TMEM132B: variants seen among roughly 807,000 people sequenced by gnomAD.
The protein encoded by TMEM132B is transmembrane protein 132B.
In TMEM132B, 18 loss-of-function variants were observed where a neutral mutation model predicts 90.8. That is an observed-to-expected ratio of 0.20 (90% CI 0.14 to 0.29). The LOEUF (loss-of-function observed/expected upper bound fraction) is 0.29. Ranked by LOEUF, TMEM132B falls within the 10% of genes least tolerant of loss-of-function variation. The pLI, the probability that TMEM132B is intolerant of heterozygous loss-of-function variation, is 1.00. For synonymous variants in TMEM132B, 504 were observed against 523.3 expected, an observed-to-expected ratio of 0.96 and a Z score of 0.50; for missense variants, 1,096 against 1,326.8, an observed-to-expected ratio of 0.83 and a Z score of 2.70.
At chr12:125,637,293 G>T (rs1221007206) in intron 5 of TMEM132B, among the ~76,000 whole-genome samples, 1 of 152,210 alleles carries the variant, frequency 6.6e-6, no homozygotes, top group African/African-American at 2.4e-5. Flanking sequence ...GCGGGGATCA[G>T]AGGATACTCA....
chr12:125,541,979 C>T lies in TMEM132B; in HGVS notation c.1293+22354C>T, dbSNP rs569709181. On this transcript the variant is annotated intron_variant, in intron 4 of 8. Transcript: ENST00000682704. ...GGCGGAGCTTGCAGTGAGCTGAGAT[C>T]GCACCACTACACTTCAGCCTGGGCG... Among the ~76,000 whole-genome samples the T allele has an allele frequency of 5.8e-4, 84 of 143,892 alleles. 1 individual carries two copies. The highest frequency in any genetic ancestry group is 3.7e-3 in the Admixed American group (51 of 13,868). The allele number at this position is 143,892 out of a possible 152,430, so 94.4% of individuals were successfully genotyped here.
At chr12:125,340,770 A>G (rs867842745) in intron 1 of TMEM132B, among the ~76,000 whole-genome samples, 1 of 152,200 alleles carries the variant, frequency 6.6e-6, no homozygotes, top group Non-Finnish European at 1.5e-5. Context: ...AAGCTAGACT[A>G]TCCAAAAGCT....
intron 2 of TMEM132B, among the ~76,000 whole-genome samples, chr12:125,398,283 T>A (rs1297373551): frequency 6.6e-6 from 1 of 152,170 alleles, no homozygotes; most frequent in Non-Finnish European, 1.5e-5. Flanking sequence ...CTACCCCTAC[T>A]CATTTTTATA....
rs577270082 is a variant in TMEM132B at position 125,503,190 on chromosome 12, C to T, written c.1107-16249C>T. Among the ~76,000 whole-genome samples, 12 of 152,274 alleles carry T rather than the reference C, an allele frequency of 7.9e-5. No homozygotes were observed. The East Asian group carries it at 1.2e-3, about 15-fold the overall frequency. On this transcript the variant is annotated intron_variant, in intron 3 of 8. Coordinates refer to ENST00000682704, the MANE Select transcript of TMEM132B (RefSeq NM_001366854.1). ...CAGATCTGAGAGAGGATTTACTCTT[C>T]GCTTAGTTGTGAGGCCCAAGCGCAG...
At chr12:125,463,354 G>A (rs1168216853) in intron 3 of TMEM132B, among the ~76,000 whole-genome samples, 1 of 152,204 alleles carries the variant, frequency 6.6e-6, no homozygotes, top group African/African-American at 2.4e-5. Flanking sequence ...TGGCAATGGG[G>A]TGTGCTGTCA....
intron 1 of TMEM132B, among the ~76,000 whole-genome samples, chr12:125,335,479 A>G (rs181308952): frequency 2.4e-4 from 36 of 152,342 alleles, no homozygotes; most frequent in African/African-American, 8.4e-4. Flanking sequence ...TGATTTGTTC[A>G]GGGATGGGCA....
chr12:125,448,554 A>T (rs1022572102), intron 3 of TMEM132B, among the ~76,000 whole-genome samples: 1 of 152,174 alleles, frequency 6.6e-6, no homozygotes, highest in African/African-American at 2.4e-5. Context: ...TCCCCATCCC[A>T]GTAGTATTCC....
intron 1 of TMEM132B, among the ~76,000 whole-genome samples, chr12:125,347,083 G>A (rs547914451): frequency 5.1e-4 from 77 of 152,244 alleles, no homozygotes; most frequent in African/African-American, 1.9e-3. Context: ...CAAATTCCTA[G>A]GTGAATTCCT....
intron 1 of TMEM132B, among the ~76,000 whole-genome samples, 188 bp downstream of exon 1, chr12:125,187,054 C>T (rs1226541562): frequency 6.6e-6 from 1 of 152,192 alleles, no homozygotes; most frequent in African/African-American, 2.4e-5. Context: ...GAGAGCCCGC[C>T]TGCCTTCTCC....
chr12:125,324,401 G>C (rs1876506301), intron 1 of TMEM132B, among the ~76,000 whole-genome samples: 1 of 152,228 alleles, frequency 6.6e-6, no homozygotes, highest in African/African-American at 2.4e-5. Flanking sequence ...AGATTCATAG[G>C]ATAAGTTCTG....
At chr12:125,348,668 G>A (rs1201735105) in intron 1 of TMEM132B, among the ~76,000 whole-genome samples, 1 of 152,174 alleles carries the variant, frequency 6.6e-6, no homozygotes, top group Admixed American at 6.5e-5. Context: ...TAATCCTTGC[G>A]GCAACCCAGT....
chr12:125,314,760 T>C (rs1219006850), intron 1 of TMEM132B, among the ~76,000 whole-genome samples: 1 of 152,228 alleles, frequency 6.6e-6, no homozygotes, highest in Non-Finnish European at 1.5e-5. Context: ...TGTTTCTTTC[T>C]TCAGTGCTAA....
intron 1 of TMEM132B, among the ~76,000 whole-genome samples, chr12:125,196,090 C>T (rs1276317987): frequency 6.6e-6 from 1 of 152,156 alleles, no homozygotes; most frequent in Non-Finnish European, 1.5e-5. Context: ...CTGCAGTAGT[C>T]CAGGCAAGTG....
chr12:125,188,297 C>T (rs1163471654), intron 1 of TMEM132B, among the ~76,000 whole-genome samples: 6 of 152,158 alleles, frequency 3.9e-5, no homozygotes, highest in Non-Finnish European at 7.3e-5. Flanking sequence ...TTTCGGCATT[C>T]CTCTGCGGTC....
intron 1 of TMEM132B, among the ~76,000 whole-genome samples, chr12:125,258,274 A>T (rs1407413187): frequency 6.6e-6 from 1 of 152,118 alleles, no homozygotes; most frequent in Non-Finnish European, 1.5e-5. Flanking sequence ...CCACCATTTT[A>T]TTATGTTCTC....
intron 4 of TMEM132B, among the ~76,000 whole-genome samples, chr12:125,582,543 G>A (rs1885077264): frequency 1.3e-5 from 2 of 152,110 alleles, no homozygotes; most frequent in Admixed American, 1.3e-4. Context: ...AACTCTCATT[G>A]CTGGGCTGTG....
At chr12:125,611,512 C>T (rs1885826213) in intron 5 of TMEM132B, among the ~76,000 whole-genome samples, 1 of 151,908 alleles carries the variant, frequency 6.6e-6, no homozygotes, top group Non-Finnish European at 1.5e-5. Context: ...AATTTGAGAA[C>T]TTATATTTTT....
intron 2 of TMEM132B, among the ~76,000 whole-genome samples, chr12:125,413,001 C>T (rs1241983457): frequency 6.6e-6 from 1 of 151,954 alleles, no homozygotes; most frequent in Admixed American, 6.6e-5. Context: ...TTGGGGCGTG[C>T]AAGAGCAAGC....
intron 1 of TMEM132B, among the ~76,000 whole-genome samples, chr12:125,273,524 A>G (rs949535774): frequency 6.6e-6 from 1 of 152,204 alleles, no homozygotes; most frequent in African/African-American, 2.4e-5. Context: ...GAGGTTGAGG[A>G]TGCAGTGATC....
Sources: gnomAD v4.1 joint callset for allele counts (sites outside exome capture counted in the v4.1 genomes callset) on GRCh38, gnomAD v4.1.1 for gene constraint, MANE v1.5 for transcripts, NCBI Gene and HGNC (gene_info 2026-07-23, HGNC 2026-07-21) for gene names.